CHD9: variants seen among roughly 807,000 people sequenced by gnomAD.
CHD9 encodes ATP-dependent chromatin remodeler CHD9.
A neutral mutation model predicts 316.1 loss-of-function variants in CHD9; 77 were observed. That is an observed-to-expected ratio of 0.24 (90% CI 0.20 to 0.29). The LOEUF (loss-of-function observed/expected upper bound fraction) is 0.29, where lower values mean the gene tolerates loss of function less well. Among genes scored for constraint, CHD9 ranks in the 10% least tolerant of loss-of-function variants. CHD9 has a pLI of 1.00. For missense variants in CHD9, 2,763 were observed against 3,438.1 expected (o/e 0.80, Z 4.91); for synonymous variants, 1,129 against 1,158.3 (o/e 0.97, Z 0.51).
At position 53,094,259 on chromosome 16, in the gene CHD9, G is replaced by A. The variant is rs565181439; in HGVS notation, c.-165+39182G>A. ...GATTTCCTATATACACCCAGCATCCGCCTAGTCTGGGCTGGGCGGGGCAGG... is the reference window on the plus strand; with the variant it reads ...GATTTCCTATATACACCCAGCATCCACCTAGTCTGGGCTGGGCGGGGCAGG... On this transcript the variant is annotated intron_variant, in intron 1 of 38. Coordinates refer to ENST00000447540, the MANE Select transcript of CHD9 (RefSeq NM_001308319.2). Among the ~76,000 whole-genome samples the A allele has an allele frequency of 4.6e-5, 7 of 152,310 alleles. No individual in the cohort carries two copies. The South Asian group carries it at 1.0e-3, about 23-fold the overall frequency.
At chr16:53,313,255 A>AG (rs1328234118) in intron 34 of CHD9, among the ~76,000 whole-genome samples, 1 of 151,532 alleles carries the variant, frequency 6.6e-6, no homozygotes, top group African/African-American at 2.4e-5. Context: ...CATGAAAAAA[A>AG]AAGAGCACAA....
rs779750271 is a variant in CHD9, at chr16:53,262,996, G to T, written c.4219G>T (p.Val1407Leu). The change falls in exon 20 of 39, where the codon GTG becomes TTG. Residue 1407 changes from valine to leucine, a missense_variant. Val to Leu is a conservative substitution (Grantham distance 32, BLOSUM62 1). Transcript: ENST00000447540. ...CCATTATATATTTCAGGCGAGTTTTGTGGCATCTGGAAACCGGACAGATAT... is the reference window on the plus strand; with the variant it reads ...CCATTATATATTTCAGGCGAGTTTTTTGGCATCTGGAAACCGGACAGATAT... ...RGSTFAKASFVASGNRTDISL... is the reference protein window; with the variant it reads ...RGSTFAKASFLASGNRTDISL... 2 of 1,611,870 alleles carry T rather than the reference G, an allele frequency of 1.2e-6. No homozygotes were observed. The highest frequency in any genetic ancestry group is 1.7e-6 in the Non-Finnish European group (2 of 1,178,778).
chr16:53,249,383 C>T (rs1467421685), intron 16 of CHD9, among the ~76,000 whole-genome samples: 1 of 152,118 alleles, frequency 6.6e-6, no homozygotes, highest in Admixed American at 6.5e-5. Flanking sequence ...AAAAGATAAT[C>T]ACTTTGCAGT....
intron 1 of CHD9, among the ~76,000 whole-genome samples, chr16:53,081,774 T>G (rs1386848377): frequency 1.3e-5 from 2 of 149,464 alleles, no homozygotes; most frequent in Non-Finnish European, 3.0e-5. Context: ...AATTTTTTTT[T>G]GTAGAGATGG....
chr16:53,303,880 A>C lies in CHD9; in HGVS notation c.5874A>C (p.Pro1958=). The C allele has an allele frequency of 1.2e-6, 2 of 1,614,014 alleles. No homozygotes were observed. Among genetic ancestry groups the C allele is most frequent in the East Asian group, 4.5e-5 (2 of 44,882 alleles). The change falls in exon 31 of 39, where the codon CCA becomes CCC. Residue 1958 remains proline, a synonymous_variant. Transcript: ENST00000447540. ...TTTGCCATCCAAATCCAGATTTACC[A>C]GTCTGGTGGGAATGTGGCCCTCATG... ...LKLCHPNPDL[P]VWWECGPHDR... is the part of the protein sequence containing the mutation.
At chr16:53,125,164 A>C (rs2038915685) in intron 1 of CHD9, among the ~76,000 whole-genome samples, 1 of 150,546 alleles carries the variant, frequency 6.6e-6, no homozygotes, top group African/African-American at 2.4e-5. Context: ...TATTCTGTAC[A>C]CTAAACCCTT....
intron 1 of CHD9, among the ~76,000 whole-genome samples, chr16:53,134,402 A>G (rs73592903): frequency 1.9e-4 from 29 of 152,210 alleles, no homozygotes; most frequent in African/African-American, 5.8e-4. Context: ...AAAGTGCCAC[A>G]TTCCAGTTTT....
chr16:53,117,930 A>G (rs2038441473), intron 1 of CHD9, among the ~76,000 whole-genome samples: 1 of 150,908 alleles, frequency 6.6e-6, no homozygotes, highest in African/African-American at 2.4e-5. Context: ...GGTTCATGAC[A>G]TTCTCCTGCC....
chr16:53,281,158 C>G (rs2053377454), intron 24 of CHD9, among the ~76,000 whole-genome samples: 1 of 152,144 alleles, frequency 6.6e-6, no homozygotes, highest in African/African-American at 2.4e-5. Flanking sequence ...TTACATATTT[C>G]TCCCAGAACT....
intron 2 of CHD9, among the ~76,000 whole-genome samples, chr16:53,181,697 G>C (rs1268165683): frequency 6.6e-6 from 1 of 152,154 alleles, no homozygotes; most frequent in Admixed American, 6.5e-5. Context: ...GATATTGAAT[G>C]AGTTAACATC....
At chr16:53,292,736 T>G in intron 28 of CHD9, 97 bp from the exon 29 acceptor site, 1 of 891,818 alleles carries the variant, frequency 1.1e-6, no homozygotes, top group South Asian at 1.6e-5. Flanking sequence ...TTTCCCCACA[T>G]AGATTGAATT....
intron 26 of CHD9, among the ~76,000 whole-genome samples, 165 bp downstream of exon 26, chr16:53,286,508 C>T (rs1438971894): frequency 1.3e-5 from 2 of 152,188 alleles, no homozygotes; most frequent in Non-Finnish European, 2.9e-5. Context: ...ACTTATCCAA[C>T]AGAATGTGAT....
chr16:53,288,422 AG>A (rs1567626733), intron 27 of CHD9, among the ~76,000 whole-genome samples: 1 of 152,240 alleles, frequency 6.6e-6, no homozygotes, highest in African/African-American at 2.4e-5. Context: ...GAGTTGCCAA[AG>A]CATAGTTCTC....
intron 1 of CHD9, among the ~76,000 whole-genome samples, chr16:53,094,967 C>T (rs1053977638): frequency 6.6e-6 from 1 of 152,134 alleles, no homozygotes; most frequent in Admixed American, 6.5e-5. Context: ...AATTTAAGTG[C>T]TTAGGGTTAT....
chr16:53,220,760 C>G (rs941616564), intron 3 of CHD9, among the ~76,000 whole-genome samples: 1 of 152,132 alleles, frequency 6.6e-6, no homozygotes, highest in African/African-American at 2.4e-5. Flanking sequence ...TGATCTTCAC[C>G]CATTCTGGTT....
intron 30 of CHD9, chr16:53,299,781 T>C (rs2055179911): frequency 5.8e-6 from 1 of 171,340 alleles, no homozygotes; most frequent in Non-Finnish European, 1.2e-5. Context: ...AAAAAGAAGC[T>C]TTCAGCTTAC....
At position 53,307,789 on chromosome 16, in the gene CHD9, A is replaced by G; in HGVS notation, c.6889A>G (p.Thr2297Ala). ...TGCTAACACAGTGGCTTCTTTCTAT[A>G]CCACAAAACTGCTGGACAGCCCTGG... ...YDANTVASFY[T>A]TKLLDSPGAA... Residue 2297 changes from threonine (T) to alanine (A), a missense_variant, in exon 33 of 39, where the codon ACC becomes GCC. Transcript: ENST00000447540. 1 of 1,613,444 alleles carries G rather than the reference A, an allele frequency of 6.2e-7. No individual in the cohort carries two copies. The highest frequency in any genetic ancestry group is 8.5e-7 in the Non-Finnish European group (1 of 1,179,674).
Position 53,157,171 on chromosome 16 carries a change from T to C in CHD9, c.1082T>C (p.Phe361Ser), listed in dbSNP as rs908125044. 9.9e-6 allele frequency: 16 copies of C among 1,609,094 alleles called. No homozygotes were observed. The highest frequency in any genetic ancestry group is 4.0e-5 in the African/African-American group (3 of 74,878). The change falls in exon 2 of 39, where the codon TTC (phenylalanine) becomes TCC (serine). Residue 361 changes from phenylalanine (F) to serine (S), a missense_variant. This residue lies in a region of CHD9 where 859 missense variants were observed against 890.4 expected (regional missense o/e 0.96). Transcript: ENST00000447540. ...AAATTATCTCCTGTGCACATGAACTTCCCAGATCCTGTTGACTCAGGAACT... is the reference window on the plus strand; with the variant it reads ...AAATTATCTCCTGTGCACATGAACTCCCCAGATCCTGTTGACTCAGGAACT... Reference protein sequence around the residue: ...NSKLSPVHMNFPDPVDSGTQM... With the variant: ...NSKLSPVHMNSPDPVDSGTQM...
At chr16:53,198,051 C>T (rs1383405563) in intron 2 of CHD9, among the ~76,000 whole-genome samples, 3 of 152,034 alleles carry the variant, frequency 2.0e-5, no homozygotes, top group Non-Finnish European at 4.4e-5. Flanking sequence ...TCAAGCGTAT[C>T]GACTCTCCAA....
Sources: allele counts gnomAD v4.1 joint callset (sites outside exome capture counted in the v4.1 genomes callset), GRCh38; gene constraint gnomAD v4.1.1; regional missense constraint gnomAD v4.1.1; transcripts MANE v1.5; gene names NCBI Gene and HGNC (gene_info 2026-07-23, HGNC 2026-07-21).